SPAG1: variants seen among roughly 807,000 people sequenced by gnomAD.
SPAG1 encodes the protein sperm-associated antigen 1.
Under a neutral mutation model 100.5 loss-of-function variants are expected in SPAG1, and 69 were observed. The observed-to-expected ratio is 0.69, with a 90% CI of 0.57 to 0.84. The LOEUF (loss-of-function observed/expected upper bound fraction) is 0.84. Ranked by LOEUF, SPAG1 falls within the 40% of genes least tolerant of loss-of-function variation. The probability of loss-of-function intolerance (pLI) is 0.00; values close to 1 mark genes in which losing one functional copy is unlikely to be tolerated. For synonymous variants in SPAG1, 336 were observed against 411.6 expected (o/e 0.82, Z 2.22); for missense variants, 955 against 1,133.1 (o/e 0.84, Z 2.26).
At chr8:100,190,809 T>G (rs1206622829) in intron 8 of SPAG1, among the ~76,000 whole-genome samples, 3 of 151,756 alleles carry the variant, frequency 2.0e-5, no homozygotes, top group African/African-American at 7.2e-5. Context: ...GGATTACAGA[T>G]GTGTGCTACC....
At chr8:100,240,041 A>G (rs1348137337) in intron 17 of SPAG1, among the ~76,000 whole-genome samples, 1 of 152,078 alleles carries the variant, frequency 6.6e-6, no homozygotes, top group East Asian at 1.9e-4. Flanking sequence ...TTTCCTCTTT[A>G]AGGAGGGAAG....
intron 12 of SPAG1, among the ~76,000 whole-genome samples, chr8:100,215,257 G>A: frequency 6.6e-6 from 1 of 151,420 alleles, no homozygotes; most frequent in South Asian, 2.1e-4. Context: ...GTCACCCGTG[G>A]TACTCAATAA....
chr8:100,165,587 T>C, intron 2 of SPAG1: 1 of 453,488 alleles, frequency 2.2e-6, no homozygotes. Context: ...GTTTTTAAAG[T>C]GTGTGATGAA....
chr8:100,219,832 CATA>C (rs1818179767), intron 12 of SPAG1, among the ~76,000 whole-genome samples: 1 of 152,206 alleles, frequency 6.6e-6, no homozygotes, highest in African/African-American at 2.4e-5. Flanking sequence ...GCAAGTGAAT[CATA>C]ATGAACTAAT....
chr8:100,212,833 CAGTT>C (rs1462265665), intron 10 of SPAG1, among the ~76,000 whole-genome samples: 1 of 152,232 alleles, frequency 6.6e-6, no homozygotes, highest in Non-Finnish European at 1.5e-5. Context: ...AGCGCTTAAA[CAGTT>C]AGAGACAGGG....
rs942971600 is a variant in SPAG1, at chr8:100,213,319, G to T, written c.1326G>T (p.Ala442=). The T allele has an allele frequency of 1.6e-6, 2 of 1,258,956 alleles. No individual in the cohort carries two copies. The highest frequency in any genetic ancestry group is 1.6e-5 in the African/African-American group (1 of 64,212). 78.0% of individuals were successfully genotyped at this position (1,258,956 alleles called of 1,614,324 possible). A position where few individuals can be genotyped will look rare whatever the true frequency, so the allele number is the denominator to read the frequency against. ...ATGHPGGGQG[A]ENPAGLKSQG... ...GGCATCCGGGCGGCGGGCAGGGCGC[G>T]GAGAACCCTGCCGGCCTGAAGAGCC... Residue 442 remains alanine, a synonymous_variant, in exon 11 of 19, where the codon GCG becomes GCT. Transcript: ENST00000388798.
chr8:100,166,040 C>T (rs1815536509), intron 3 of SPAG1, 67 bp downstream of exon 3: 4 of 1,380,058 alleles, frequency 2.9e-6, no homozygotes, highest in East Asian at 2.4e-5. Flanking sequence ...CTTCACTTAT[C>T]GGAAATCCTA....
At chr8:100,230,529 C>G (rs1660338) in intron 14 of SPAG1, among the ~76,000 whole-genome samples, 85,955 of 152,114 alleles carry the variant, frequency 0.57, 24,680 homozygotes, top group Admixed American at 0.65. Context: ...CTCTCCATCT[C>G]TAAGGTGGTT....
chr8:100,240,856 G>C (rs373280101), intron 18 of SPAG1, 35 bp from the exon 19 acceptor site: 2 of 1,558,778 alleles, frequency 1.3e-6, no homozygotes, highest in Non-Finnish European at 1.7e-6. Flanking sequence ...TAACATAGTT[G>C]GTTTTTTGTT....
rs141153987 is a variant in SPAG1, at chr8:100,160,715, G to C, written c.-2-1564G>C. On this transcript the variant is annotated intron_variant, in intron 1 of 18. Transcript: ENST00000388798. ...TAGGGAGAAGAAGTAGGCAGGGAGT[G>C]GGAAAAGGATTGTGTTAAGGCAAGT... 5.0e-3 allele frequency among the ~76,000 whole-genome samples: 762 copies of C among 152,164 alleles called. 6 individuals carry two copies. Among genetic ancestry groups the C allele is most frequent in the African/African-American group, 0.018 (728 of 41,508 alleles).
chr8:100,191,874 G>A (rs1171178546), intron 9 of SPAG1, among the ~76,000 whole-genome samples: 1 of 152,114 alleles, frequency 6.6e-6, no homozygotes. Flanking sequence ...GGTAGCATTT[G>A]CTACCTGACT....
At position 100,225,221 on chromosome 8, in the gene SPAG1, G is replaced by A. The variant is rs759945651; in HGVS notation, c.1737G>A (p.Lys579=). 3 of 1,613,936 alleles carry A rather than the reference G, an allele frequency of 1.9e-6. No homozygotes were observed. In the South Asian group the frequency reaches 3.3e-5, roughly 18 times the overall value. Residue 579 remains lysine (K), a synonymous_variant, in exon 14 of 19, where the codon AAG becomes AAA. Transcript: ENST00000388798. ...MELDGPNWRE[K]LSPIPAVPAS... ...TGGATGGACCAAATTGGCGGGAGAAGCTGTCACCTATTCCTGCTGTGCCTG... is the reference window on the plus strand; with the variant it reads ...TGGATGGACCAAATTGGCGGGAGAAACTGTCACCTATTCCTGCTGTGCCTG...
intron 9 of SPAG1, among the ~76,000 whole-genome samples, chr8:100,191,787 A>G (rs1808566206): frequency 6.6e-6 from 1 of 152,140 alleles, no homozygotes; most frequent in Non-Finnish European, 1.5e-5. Context: ...GTGGAGTGGT[A>G]TAGAAGGTAC....
intron 2 of SPAG1, among the ~76,000 whole-genome samples, chr8:100,164,056 TTAAAA>T (rs1302715124): frequency 3.9e-5 from 6 of 152,216 alleles, no homozygotes; most frequent in Admixed American, 3.9e-4. Flanking sequence ...CTGATTTTCC[TTAAAA>T]TAAAAGGAAC....
chr8:100,220,667 T>G (rs1346682045), intron 13 of SPAG1, among the ~76,000 whole-genome samples: 1 of 152,246 alleles, frequency 6.6e-6, no homozygotes, highest in Non-Finnish European at 1.5e-5. Flanking sequence ...TCTGATCCAT[T>G]TATTACTGTT....
intron 16 of SPAG1, among the ~76,000 whole-genome samples, chr8:100,236,202 C>T (rs1051985617): frequency 6.6e-6 from 1 of 152,016 alleles, no homozygotes; most frequent in Non-Finnish European, 1.5e-5. Context: ...AAAAATAATC[C>T]CAAATTTGAG....
At chr8:100,207,959 C>G (rs963428998) in intron 10 of SPAG1, among the ~76,000 whole-genome samples, 3 of 152,166 alleles carry the variant, frequency 2.0e-5, no homozygotes, top group Non-Finnish European at 2.9e-5. Context: ...CGTGTATACT[C>G]TGAATCAGTG....
At chr8:100,186,109 A>G (rs1434970021) in intron 7 of SPAG1, among the ~76,000 whole-genome samples, 2 of 122,886 alleles carry the variant, frequency 1.6e-5, no homozygotes, top group Admixed American at 2.2e-4. Flanking sequence ...TCTGTTATCC[A>G]GGCAAGAGTG....
At chr8:100,176,344 A>G (rs759100131) in intron 3 of SPAG1, among the ~76,000 whole-genome samples, 2 of 151,616 alleles carry the variant, frequency 1.3e-5, no homozygotes, top group African/African-American at 4.8e-5. Context: ...AGTCTATAGG[A>G]ATGTCTTTCT....
Sources: allele counts gnomAD v4.1 joint callset (sites outside exome capture counted in the v4.1 genomes callset), GRCh38; gene constraint gnomAD v4.1.1; transcripts MANE v1.5; gene names NCBI Gene and HGNC (gene_info 2026-07-23, HGNC 2026-07-21).